ZNF438: variants seen among roughly 807,000 people sequenced by gnomAD.
ZNF438 encodes zinc finger protein 438.
In ZNF438, 25 loss-of-function variants were observed where a neutral mutation model predicts 38.0. The observed-to-expected ratio is 0.66, with a 90% CI of 0.48 to 0.92. ZNF438 has a LOEUF of 0.92. Ranked by LOEUF, ZNF438 falls within the 40% of genes least tolerant of loss-of-function variation. ZNF438 has a pLI of 0.00. For synonymous variants in ZNF438, 372 were observed against 364.1 expected, an observed-to-expected ratio of 1.02 and a Z score of -0.25; for missense variants, 1,007 against 999.6, an observed-to-expected ratio of 1.01 and a Z score of -0.10.
chr10:30,885,480 C>A (rs1279441458), intron 3 of ZNF438, among the ~76,000 whole-genome samples: 23 of 152,224 alleles, frequency 1.5e-4, no homozygotes, highest in Admixed American at 1.5e-3. Flanking sequence ...GCTAGACCTA[C>A]CACTAGGTAA....
chr10:30,896,295 C>CAA (rs56673889), intron 3 of ZNF438, among the ~76,000 whole-genome samples: 14 of 107,034 alleles, frequency 1.3e-4, no homozygotes, highest in South Asian at 3.0e-4. Flanking sequence ...GACTCCATCT[C>CAA]AAAAAAAAAA....
At chr10:30,852,858 A>G (rs188621966) in intron 4 of ZNF438, among the ~76,000 whole-genome samples, 68 of 152,334 alleles carry the variant, frequency 4.5e-4, no homozygotes, top group African/African-American at 1.6e-3. Flanking sequence ...TCACTTGACA[A>G]TAGTCATCTG....
chr10:30,926,433 C>T (rs1338607260), intron 2 of ZNF438, among the ~76,000 whole-genome samples: 2 of 152,090 alleles, frequency 1.3e-5, no homozygotes, highest in Non-Finnish European at 2.9e-5. Flanking sequence ...TTTGGGAGGC[C>T]GAGGCGAGTG....
intron 2 of ZNF438, 28 bp downstream of exon 3, chr10:30,941,547 G>A (rs754146559): frequency 5.3e-5 from 8 of 152,156 alleles, no homozygotes; most frequent in Non-Finnish European, 8.8e-5. Context: ...TCTTAAGCTG[G>A]TACCAAGCTA....
In ZNF438 at chr10:30,945,484, G is replaced by A. The variant is rs368217889; in HGVS notation, c.-191-3833C>T. On this transcript the variant is annotated intron_variant, in intron 1 of 5. Coordinates refer to ENST00000413025, the Ensembl canonical transcript of ZNF438. ...AGTTACATACGTATACATGTGCCAC[G>A]CTGGTGCGCTGCACCCACTAACTCA... Among the ~76,000 whole-genome samples, 6 of 150,570 alleles carry A rather than the reference G, an allele frequency of 4.0e-5. No homozygotes were observed. In the East Asian group the frequency reaches 5.8e-4, roughly 15 times the overall value.
At chr10:30,885,190 T>C (rs756942773) in intron 3 of ZNF438, among the ~76,000 whole-genome samples, 62 of 152,252 alleles carry the variant, frequency 4.1e-4, no homozygotes, top group Non-Finnish European at 5.1e-4. Context: ...GTAATGAGTC[T>C]TTTAATGTCT....
chr10:30,950,408 C>G (rs1299294537), intron 1 of ZNF438, among the ~76,000 whole-genome samples: 5 of 146,040 alleles, frequency 3.4e-5, no homozygotes, highest in African/African-American at 1.3e-4. Flanking sequence ...CAGAGCAGAA[C>G]TGAAGGAAAT....
In ZNF438 at chr10:31,029,268, A is replaced by G. The variant is rs561659594; in HGVS notation, c.-192+2565T>C. Among the ~76,000 whole-genome samples the G allele has an allele frequency of 6.6e-5, 10 of 152,316 alleles. No homozygotes were observed. In the East Asian group the frequency reaches 1.9e-3, roughly 29 times the overall value. ...ATATAATTCTTATGATGATTAAATG[A>G]ATTAATATAGGTTAAAGTACTTAAA... On this transcript the variant is annotated intron_variant, in intron 1 of 5. Coordinates refer to ENST00000413025, the Ensembl canonical transcript of ZNF438.
intron 1 of ZNF438, among the ~76,000 whole-genome samples, chr10:30,948,343 C>T (rs1255152813): frequency 1.3e-5 from 2 of 152,144 alleles, no homozygotes; most frequent in African/African-American, 4.8e-5. Flanking sequence ...AGCAGAGCAC[C>T]TCTCCTCCTC....
intron 2 of ZNF438, among the ~76,000 whole-genome samples, chr10:30,913,401 C>T (rs951243829): frequency 6.6e-6 from 1 of 151,974 alleles, no homozygotes; most frequent in Non-Finnish European, 1.5e-5. Context: ...TTTGCCCATG[C>T]CCTTTCTTTT....
chr10:30,849,129 T>G, exon 5 of ZNF438: 1 of 1,613,782 alleles, frequency 6.2e-7, no homozygotes, highest in Non-Finnish European at 8.5e-7. Flanking sequence ...GTCCCCAGCT[T>G]TTGGTCTCTG....
chr10:30,884,722 T>C (rs768040539), intron 3 of ZNF438, among the ~76,000 whole-genome samples: 2 of 152,256 alleles, frequency 1.3e-5, no homozygotes, highest in Non-Finnish European at 2.9e-5. Flanking sequence ...AAGCCATATT[T>C]AAAGAGAGTT....
At chr10:30,954,256 C>G (rs746459997) in intron 1 of ZNF438, among the ~76,000 whole-genome samples, 1 of 152,190 alleles carries the variant, frequency 6.6e-6, no homozygotes, top group Non-Finnish European at 1.5e-5. Flanking sequence ...GATACACAAA[C>G]TGATGAAAGA....
intron 1 of ZNF438, among the ~76,000 whole-genome samples, chr10:30,990,629 T>C (rs983001771): frequency 1.3e-5 from 2 of 152,190 alleles, no homozygotes; most frequent in African/African-American, 4.8e-5. Context: ...CTGAGTCTGA[T>C]CCAGTTCATG....
intron 5 of ZNF438, 43 bp downstream of exon 6, chr10:30,848,488 A>G: frequency 6.4e-7 from 1 of 1,561,008 alleles, no homozygotes; most frequent in Non-Finnish European, 8.7e-7. Flanking sequence ...TCCCCAAATC[A>G]AAACAGACTC....
intron 3 of ZNF438, among the ~76,000 whole-genome samples, chr10:30,901,712 G>A (rs1022471093): frequency 9.9e-5 from 15 of 151,250 alleles, no homozygotes; most frequent in Admixed American, 5.9e-4. Flanking sequence ...TGGTCCCTTC[G>A]TGGTCGCCAA....
chr10:31,026,684 G>A (rs1008563590), intron 1 of ZNF438, among the ~76,000 whole-genome samples: 21 of 152,108 alleles, frequency 1.4e-4, no homozygotes, highest in South Asian at 2.1e-4. Flanking sequence ...ACAGTGTGGC[G>A]ATTCCTCAAG....
intron 1 of ZNF438, among the ~76,000 whole-genome samples, chr10:30,943,487 G>C (rs1050249669): frequency 6.6e-6 from 1 of 152,190 alleles, no homozygotes; most frequent in African/African-American, 2.4e-5. Context: ...AAACAGAAAA[G>C]AGGGGCTTTT....
intron 2 of ZNF438, among the ~76,000 whole-genome samples, chr10:30,917,485 CCTAT>C (rs2043780990): frequency 6.6e-6 from 1 of 152,040 alleles, no homozygotes. Context: ...TGCTCTAGAT[CCTAT>C]CTGATTTTAG....
Sources: allele counts gnomAD v4.1 joint callset (sites outside exome capture counted in the v4.1 genomes callset), GRCh38; gene constraint gnomAD v4.1.1; transcripts MANE v1.5; gene names NCBI Gene and HGNC (gene_info 2026-07-23, HGNC 2026-07-21).